Variants in MYO1D observed in about 807,000 individuals in gnomAD.
The protein encoded by MYO1D is myosin ID.
Under a neutral mutation model 122.0 loss-of-function variants are expected in MYO1D, and 83 were observed. The observed-to-expected ratio is 0.68, with a 90% CI of 0.57 to 0.82. The LOEUF is 0.82. Among genes scored for constraint, MYO1D ranks in the 40% least tolerant of loss-of-function variants. The pLI, the probability that MYO1D is intolerant of heterozygous loss-of-function variation, is 0.00. For missense variants in MYO1D, 1,157 were observed against 1,269.5 expected (o/e 0.91, Z 1.35); for synonymous variants, 464 against 446.9 (o/e 1.04, Z -0.48).
intron 1 of MYO1D, among the ~76,000 whole-genome samples, chr17:32,856,024 G>A (rs2091024852): frequency 6.6e-6 from 1 of 152,120 alleles, no homozygotes; most frequent in Admixed American, 6.5e-5. Flanking sequence ...GAATTTTGCA[G>A]CTTTAAACAA....
At chr17:32,593,472 A>C (rs914344568) in intron 21 of MYO1D, among the ~76,000 whole-genome samples, 3 of 152,190 alleles carry the variant, frequency 2.0e-5, no homozygotes, top group African/African-American at 7.2e-5. Context: ...TAGAAGACTA[A>C]AGATGTTGCT....
intron 16 of MYO1D, among the ~76,000 whole-genome samples, chr17:32,685,229 A>G (rs944009608): frequency 6.6e-6 from 1 of 152,212 alleles, no homozygotes; most frequent in Non-Finnish European, 1.5e-5. Flanking sequence ...AGACTGGGAA[A>G]TTCTATCAAA....
chr17:32,663,719 A>C (rs998156293), intron 16 of MYO1D, among the ~76,000 whole-genome samples: 1 of 152,208 alleles, frequency 6.6e-6, no homozygotes, highest in Non-Finnish European at 1.5e-5. Context: ...TTCTTGATGA[A>C]AGAAAGGGTC....
intron 19 of MYO1D, among the ~76,000 whole-genome samples, chr17:32,649,664 C>T (rs745862692): frequency 7.3e-5 from 11 of 149,854 alleles, no homozygotes; most frequent in Admixed American, 2.0e-4. Flanking sequence ...CTCCACCCCC[C>T]GGGTTCAAGG....
chr17:32,574,148 G>T (rs952661460), intron 21 of MYO1D, among the ~76,000 whole-genome samples: 1 of 152,014 alleles, frequency 6.6e-6, no homozygotes, highest in East Asian at 1.9e-4. Context: ...CACTGCGCCC[G>T]GCCCCCTTGT....
chr17:32,803,855 G>T (rs979732895), intron 1 of MYO1D, among the ~76,000 whole-genome samples: 13 of 152,148 alleles, frequency 8.5e-5, no homozygotes, highest in African/African-American at 2.7e-4. Flanking sequence ...CACTTATAAA[G>T]AATCTAATCC....
chr17:32,855,747 G>C (rs1268072609), intron 1 of MYO1D, among the ~76,000 whole-genome samples: 1 of 152,098 alleles, frequency 6.6e-6, no homozygotes, highest in Non-Finnish European at 1.5e-5. Context: ...AATCAAAATA[G>C]GTCTGTAGAA....
intron 21 of MYO1D, among the ~76,000 whole-genome samples, chr17:32,604,205 A>G (rs1020068540): frequency 2.6e-5 from 4 of 151,904 alleles, no homozygotes; most frequent in Non-Finnish European, 5.9e-5. Context: ...AAAAAAACAT[A>G]CTAATAAGGA....
intron 1 of MYO1D, among the ~76,000 whole-genome samples, chr17:32,800,748 C>T (rs1160458719): frequency 1.3e-5 from 2 of 151,774 alleles, no homozygotes; most frequent in African/African-American, 2.4e-5. Flanking sequence ...CACTCTGTTG[C>T]CCAGGCTGGA....
intron 21 of MYO1D, among the ~76,000 whole-genome samples, chr17:32,574,869 G>C (rs2087264534): frequency 6.6e-6 from 1 of 152,162 alleles, no homozygotes; most frequent in South Asian, 2.1e-4. Flanking sequence ...GAATCTGTCT[G>C]TGCTCGCCAC....
chr17:32,853,914 G>A (rs1197684644), intron 1 of MYO1D, among the ~76,000 whole-genome samples: 2 of 152,244 alleles, frequency 1.3e-5, no homozygotes, highest in Non-Finnish European at 1.5e-5. Context: ...CAACTGTCTC[G>A]CAGTGATATT....
In MYO1D at chr17:32,764,929, G is replaced by T. The variant is rs755334923; in HGVS notation, c.984C>A (p.Asp328Glu). Residue 328 changes from aspartate to glutamate, a missense_variant, in exon 8 of 22, where the codon GAC becomes GAA. By Grantham distance (45) the Asp-to-Glu change is conservative. Coordinates refer to ENST00000318217, the MANE Select transcript of MYO1D (RefSeq NM_015194.3). ...RTVATGRDIIDKQHTEQEASY... is the reference protein window; with the variant it reads ...RTVATGRDIIEKQHTEQEASY... ...TGGCCTCTTGTTCTGTGTGCTGCTT[G>T]TCAATGATGTCACGGCCTGTGGCCA... 2 of 1,614,082 alleles carry T rather than the reference G, an allele frequency of 1.2e-6. No homozygotes were observed. The highest frequency in any genetic ancestry group is 2.7e-5 in the African/African-American group (2 of 74,926).
intron 16 of MYO1D, among the ~76,000 whole-genome samples, chr17:32,672,879 A>G (rs574872523): frequency 2.6e-5 from 4 of 152,146 alleles, no homozygotes; most frequent in Admixed American, 2.0e-4. Context: ...AAGGGCAGAG[A>G]TGTGGCCACT....
At chr17:32,594,498 TA>T in intron 21 of MYO1D, 1 of 550,126 alleles carries the variant, frequency 1.8e-6, no homozygotes, top group East Asian at 3.0e-5. Context: ...GTTTGCCATG[TA>T]ATCTTGGGCC....
chr17:32,640,559 A>C (rs2088182940), intron 19 of MYO1D, among the ~76,000 whole-genome samples: 1 of 139,428 alleles, frequency 7.2e-6, no homozygotes, highest in Admixed American at 7.7e-5. Flanking sequence ...CCCACCTATG[A>C]GTGAGAATAT....
intron 12 of MYO1D, 160 bp from the exon 13 acceptor site, chr17:32,745,445 T>C: frequency 1.9e-6 from 1 of 539,572 alleles, no homozygotes; most frequent in Non-Finnish European, 3.4e-6. Context: ...ATACCAAATT[T>C]ACCTACTAAA....
At chr17:32,641,975 C>G (rs1397087081) in intron 19 of MYO1D, among the ~76,000 whole-genome samples, 1 of 152,138 alleles carries the variant, frequency 6.6e-6, no homozygotes, top group African/African-American at 2.4e-5. Flanking sequence ...GTTGCCATTG[C>G]TTTTGGTGTT....
At chr17:32,567,251 C>T (rs949330957) in intron 21 of MYO1D, among the ~76,000 whole-genome samples, 6 of 152,112 alleles carry the variant, frequency 3.9e-5, no homozygotes, top group Admixed American at 3.9e-4. Context: ...TGGCTATATC[C>T]CTAGGGCAGA....
At chr17:32,705,303 A>T (rs1405742377) in intron 16 of MYO1D, among the ~76,000 whole-genome samples, 1 of 152,112 alleles carries the variant, frequency 6.6e-6, no homozygotes, top group Non-Finnish European at 1.5e-5. Context: ...TCTGTCCCCC[A>T]GGCTGGAGTG....
Sources: gnomAD v4.1 joint callset for allele counts (sites outside exome capture counted in the v4.1 genomes callset) on GRCh38, gnomAD v4.1.1 for gene constraint, MANE v1.5 for transcripts, NCBI Gene and HGNC (gene_info 2026-07-23, HGNC 2026-07-21) for gene names.